ZNF676: variants seen among roughly 807,000 people sequenced by gnomAD.
The protein encoded by ZNF676 is zinc finger protein 676.
Under a neutral mutation model 6.0 loss-of-function variants are expected in ZNF676, and 4 were observed. That is an observed-to-expected ratio of 0.67 (90% CI 0.33 to 1.53). The LOEUF is 1.53. Ranked by LOEUF, ZNF676 falls within the 40% of genes most tolerant of loss-of-function variation. The pLI is 0.06. For missense variants in ZNF676, 644 were observed against 679.7 expected, an observed-to-expected ratio of 0.95 and a Z score of 0.58; for synonymous variants, 198 against 223.1, an observed-to-expected ratio of 0.89 and a Z score of 1.00.
At chr19:22,215,740 T>G in exon 1 of ZNF676, 1 of 1,417,192 alleles carries the variant, frequency 7.1e-7, no homozygotes, top group Non-Finnish European at 9.7e-7. Flanking sequence ...GGACAAGGCC[T>G]TTACCTCCGG....
At chr19:22,223,447 A>G in the ZNF676 span, among the ~76,000 whole-genome samples, 3 of 152,062 alleles carry the variant, frequency 2.0e-5, no homozygotes, top group Admixed American at 6.5e-5. Flanking sequence ...TGGATCTCTC[A>G]TAAACACATT....
At chr19:22,200,515 A>ACTTTTTTTT (rs771651950), upstream of ZNF676, among the ~76,000 whole-genome samples, 1 of 105,848 alleles carries the variant, frequency 9.4e-6, no homozygotes, top group Non-Finnish European at 1.8e-5. Flanking sequence ...TGCTTCATCA[A>ACTTTTTTTT]TTTTTTTTTT....
intron 2 of ZNF676, among the ~76,000 whole-genome samples, chr19:22,182,287 C>A (rs945040356): frequency 5.9e-5 from 9 of 152,002 alleles, no homozygotes; most frequent in Non-Finnish European, 1.2e-4. Context: ...TATGCCAGGA[C>A]AAAGCTACAT....
the ZNF676 span, among the ~76,000 whole-genome samples, chr19:22,222,390 G>A: frequency 1.3e-5 from 2 of 152,140 alleles, no homozygotes; most frequent in African/African-American, 4.8e-5. Context: ...ACAGGTGTGA[G>A]CCACTGTGCC....
intron 1 of ZNF676, among the ~76,000 whole-genome samples, chr19:22,196,225 TTGCTTCTGCTCCTGCCACCAGAAGGTA>T (rs2023965366): frequency 6.6e-6 from 1 of 152,114 alleles, no homozygotes; most frequent in South Asian, 2.1e-4. Context: ...GTGGGCAAAC[TTGCTTCTGCTCCTGCCACCAGAAGGTA>T]TACTGAGGAC....
chr19:22,225,373 T>G, the ZNF676 span, among the ~76,000 whole-genome samples: 1 of 152,256 alleles, frequency 6.6e-6, no homozygotes, highest in Non-Finnish European at 1.5e-5. Flanking sequence ...TATAGATTAC[T>G]TCAGCCTTTT....
At chr19:22,193,450 C>T (rs2023933896) in intron 1 of ZNF676, among the ~76,000 whole-genome samples, 1 of 151,996 alleles carries the variant, frequency 6.6e-6, no homozygotes, top group African/African-American at 2.4e-5. Context: ...AAAGGAGACC[C>T]TTCTGTGTTT....
At chr19:22,197,004 A>C (rs2023974247), upstream of ZNF676, 1 of 326,814 alleles carries the variant, frequency 3.1e-6, no homozygotes, top group South Asian at 3.4e-5. Flanking sequence ...TAACATGTAC[A>C]ATTTTGAGTG....
the ZNF676 span, among the ~76,000 whole-genome samples, chr19:22,249,176 T>C: frequency 6.6e-6 from 1 of 152,242 alleles, no homozygotes; most frequent in African/African-American, 2.4e-5. Flanking sequence ...AAAAGCAGTT[T>C]TACATGCAAG....
chr19:22,247,648 G>A, the ZNF676 span, among the ~76,000 whole-genome samples: 34 of 151,048 alleles, frequency 2.3e-4, no homozygotes, highest in African/African-American at 7.2e-4. Context: ...GGCCAGGCAC[G>A]GTGGCTCATG....
At chr19:22,214,849 C>T (rs1599720537) in intron 1 of ZNF676, among the ~76,000 whole-genome samples, 2 of 151,490 alleles carry the variant, frequency 1.3e-5, no homozygotes, top group East Asian at 3.9e-4. Context: ...ACTACCCTGA[C>T]TAACACGGTG....
At chr19:22,221,094 A>AT in the ZNF676 span, among the ~76,000 whole-genome samples, 225 of 149,422 alleles carry the variant, frequency 1.5e-3, no homozygotes, top group African/African-American at 5.0e-3. Context: ...CTTTGTTATT[A>AT]TTTTTTTTTC....
chr19:22,193,276 A>T (rs1055251297), intron 1 of ZNF676, among the ~76,000 whole-genome samples, 165 bp from the exon 2 acceptor site: 13 of 152,188 alleles, frequency 8.5e-5, no homozygotes, highest in Non-Finnish European at 1.8e-4. Flanking sequence ...GCAGTTGCTT[A>T]AAGTTCTGTT....
At chr19:22,182,090 G>A (rs1189882868) in intron 2 of ZNF676, among the ~76,000 whole-genome samples, 1 of 152,060 alleles carries the variant, frequency 6.6e-6, no homozygotes, top group South Asian at 2.1e-4. Context: ...TGAGATCAAA[G>A]GTAAATGCAC....
intron 2 of ZNF676, among the ~76,000 whole-genome samples, chr19:22,189,716 T>C (rs924723763): frequency 2.0e-5 from 3 of 151,982 alleles, no homozygotes; most frequent in East Asian, 1.9e-4. Context: ...GCAAAGGATA[T>C]GAACAGACAC....
chr19:22,251,211 A>AT, the ZNF676 span, among the ~76,000 whole-genome samples: 1 of 152,196 alleles, frequency 6.6e-6, no homozygotes, highest in Non-Finnish European at 1.5e-5. Flanking sequence ...AAAAATAATT[A>AT]TTTTTGCTGC....
chr19:22,214,303 C>G (rs2144833369), intron 1 of ZNF676, among the ~76,000 whole-genome samples: 1 of 152,228 alleles, frequency 6.6e-6, no homozygotes, highest in East Asian at 1.9e-4. Context: ...GGCTTTATTT[C>G]CTAATTTCTA....
At chr19:22,252,954 A>G in the ZNF676 span, among the ~76,000 whole-genome samples, 6 of 152,286 alleles carry the variant, frequency 3.9e-5, no homozygotes, top group Admixed American at 3.9e-4. Flanking sequence ...CATCCTGATC[A>G]TGTCTTGGTT....
chr19:22,251,128 T>C, the ZNF676 span, among the ~76,000 whole-genome samples: 2 of 152,230 alleles, frequency 1.3e-5, no homozygotes, highest in Non-Finnish European at 2.9e-5. Flanking sequence ...TGGGCTTGGC[T>C]TTTAAAAAGT....
Sources: gnomAD v4.1 joint callset for allele counts (sites outside exome capture counted in the v4.1 genomes callset) on GRCh38, gnomAD v4.1.1 for gene constraint, MANE v1.5 for transcripts, NCBI Gene and HGNC (gene_info 2026-07-23, HGNC 2026-07-21) for gene names.